The following CACNA2D4 variants were observed in gnomAD, a reference collection of about 807,000 sequenced individuals.
CACNA2D4 encodes the protein voltage-dependent calcium channel subunit alpha-2/delta-4.
Under a neutral mutation model 163.8 loss-of-function variants are expected in CACNA2D4, and 157 were observed. The ratio of observed to expected loss-of-function variants is 0.96; its 90% CI spans 0.84 to 1.09. The LOEUF (loss-of-function observed/expected upper bound fraction) is 1.09. CACNA2D4 is among the 50% of genes least tolerant of loss of function. The pLI, the probability that CACNA2D4 is intolerant of heterozygous loss-of-function variation, is 0.00. For synonymous variants in CACNA2D4, 598 were observed against 586.9 expected, an observed-to-expected ratio of 1.02 and a Z score of -0.27; for missense variants, 1,410 against 1,479.9, an observed-to-expected ratio of 0.95 and a Z score of 0.78.
At chr12:1,800,523 A>T in intron 31 of CACNA2D4, 85 bp from the exon 32 acceptor site, 1 of 1,373,116 alleles carries the variant, frequency 7.3e-7, no homozygotes, top group Non-Finnish European at 1.0e-6. Flanking sequence ...ACCCTCAGAG[A>T]GACCAGAGAG....
At chr12:1,864,426 T>A (rs1333195786) in intron 18 of CACNA2D4, among the ~76,000 whole-genome samples, 1 of 152,270 alleles carries the variant, frequency 6.6e-6, no homozygotes, top group Non-Finnish European at 1.5e-5. Flanking sequence ...TTTCCATAGT[T>A]ACTCTGCCGT....
Position 1,918,246 on chromosome 12 carries a change from C to T in CACNA2D4, c.227+1G>A, listed in dbSNP as rs530684887. On this transcript the variant is annotated splice_donor_variant, in intron 1 of 37. Transcript: ENST00000382722. LOFTEE classifies it high-confidence loss of function. Reference sequence around the variant, plus strand: ...GGGGTGGGGTTGAACGTGATGCTTACGTTTCCAGAGGAATCTTGGCCTGTC... The same window carrying T: ...GGGGTGGGGTTGAACGTGATGCTTATGTTTCCAGAGGAATCTTGGCCTGTC... 28 of 1,599,862 alleles carry T rather than the reference C, an allele frequency of 1.8e-5. No homozygotes were observed. Among genetic ancestry groups the T allele is most frequent in the East Asian group, 6.8e-5 (3 of 44,352 alleles).
At chr12:1,866,376 C>T (rs1053544247) in intron 18 of CACNA2D4, among the ~76,000 whole-genome samples, 1 of 152,134 alleles carries the variant, frequency 6.6e-6, no homozygotes, top group African/African-American at 2.4e-5. Flanking sequence ...ATATTACAAA[C>T]CCCACAATGC....
At chr12:1,809,946 G>A (rs753718855) in intron 29 of CACNA2D4, among the ~76,000 whole-genome samples, 18 of 152,248 alleles carry the variant, frequency 1.2e-4, no homozygotes, top group Non-Finnish European at 5.9e-5. Context: ...GAGGCCCCGA[G>A]TGAGGCTGGG....
At chr12:1,916,979 C>T (rs1263018831) in intron 1 of CACNA2D4, among the ~76,000 whole-genome samples, 1 of 152,210 alleles carries the variant, frequency 6.6e-6, no homozygotes, top group African/African-American at 2.4e-5. Context: ...CGACTTGGCC[C>T]TCAGCCCACT....
At chr12:1,855,591 A>T (rs894318448) in intron 22 of CACNA2D4, among the ~76,000 whole-genome samples, 1 of 152,224 alleles carries the variant, frequency 6.6e-6, no homozygotes, top group Non-Finnish European at 1.5e-5. Context: ...ACAGGCTTCG[A>T]GTCATCTGGC....
In CACNA2D4 at chr12:1,806,068, G is replaced by C. The variant is rs1361322917; in HGVS notation, c.2721+4210C>G. ...AGGGTGCTGTGCTCTGAGAGATCCAGGTCCCTCAGGGAAAGGTGCTGGGAT... is the reference window on the plus strand; with the variant it reads ...AGGGTGCTGTGCTCTGAGAGATCCACGTCCCTCAGGGAAAGGTGCTGGGAT... On this transcript the variant is annotated intron_variant, in intron 29 of 37. Transcript: ENST00000382722. This position sits in a 1 kb window ranked among gnomAD's most constrained non-coding sequence, Gnocchi z 4.1. Among the ~76,000 whole-genome samples, 1 of 152,222 alleles carries C rather than the reference G, an allele frequency of 6.6e-6. No homozygotes were observed. The highest frequency in any genetic ancestry group is 1.5e-5 in the Non-Finnish European group (1 of 68,046).
chr12:1,797,558 A>T (rs764323142), intron 34 of CACNA2D4, 23 bp from the exon 35 acceptor site: 5 of 1,532,150 alleles, frequency 3.3e-6, no homozygotes, highest in Non-Finnish European at 3.5e-6. Flanking sequence ...AAAGGACATC[A>T]CGCCACCGAA....
At chr12:1,856,744 G>A (rs1456399738) in intron 20 of CACNA2D4, among the ~76,000 whole-genome samples, 2 of 152,218 alleles carry the variant, frequency 1.3e-5, no homozygotes, top group Non-Finnish European at 2.9e-5. Context: ...CTAACACAGA[G>A]CCAGCCTGAT....
intron 6 of CACNA2D4, among the ~76,000 whole-genome samples, chr12:1,906,165 T>C (rs1338992149): frequency 6.6e-6 from 1 of 152,130 alleles, no homozygotes; most frequent in East Asian, 1.9e-4. Flanking sequence ...AAATACCATA[T>C]ACAAAAATTA....
intron 35 of CACNA2D4, 82 bp downstream of exon 35, chr12:1,797,336 T>G: frequency 9.7e-7 from 1 of 1,034,318 alleles, no homozygotes; most frequent in Non-Finnish European, 1.4e-6. Context: ...TTCCCGGGGG[T>G]TCCGGGGCCC....
At chr12:1,867,851 C>G (rs1287845526) in intron 18 of CACNA2D4, among the ~76,000 whole-genome samples, 1 of 152,090 alleles carries the variant, frequency 6.6e-6, no homozygotes, top group South Asian at 2.1e-4. Context: ...AAATGGCCAA[C>G]AGATATTTGA....
chr12:1,867,910 C>G (rs1035441498), intron 18 of CACNA2D4, among the ~76,000 whole-genome samples: 3 of 152,200 alleles, frequency 2.0e-5, no homozygotes, highest in Non-Finnish European at 4.4e-5. Context: ...ACCCAAACCA[C>G]AATGAGATGC....
intron 19 of CACNA2D4, among the ~76,000 whole-genome samples, chr12:1,859,364 A>G (rs945185680): frequency 6.6e-6 from 1 of 152,080 alleles, no homozygotes; most frequent in Non-Finnish European, 1.5e-5. Flanking sequence ...CTCAAAAAAA[A>G]CTGGTTTTGG....
In CACNA2D4 at chr12:1,795,386, A is replaced by G. The variant is rs757754694; in HGVS notation, c.3227-5T>C. The G allele has an allele frequency of 6.2e-7, 1 of 1,609,380 alleles. No homozygotes were observed. Among genetic ancestry groups the G allele is most frequent in the Non-Finnish European group, 8.5e-7 (1 of 1,179,456 alleles). On this transcript the variant is annotated splice_region_variant and splice_polypyrimidine_tract_variant and intron_variant, in intron 36 of 37. Transcript: ENST00000382722. Reference sequence around the variant, plus strand: ...CACATTTGACAGAGGCATTATGTGCAGAAGCCACTGTTAAGGTCAATATCT... The same window carrying G: ...CACATTTGACAGAGGCATTATGTGCGGAAGCCACTGTTAAGGTCAATATCT...
At chr12:1,811,563 C>T (rs1863710701) in intron 27 of CACNA2D4, 99 bp downstream of exon 27, 2 of 1,261,296 alleles carry the variant, frequency 1.6e-6, no homozygotes, top group South Asian at 2.6e-5. Flanking sequence ...TCCTGAGAGC[C>T]TCAAGGCAGT....
intron 4 of CACNA2D4, among the ~76,000 whole-genome samples, chr12:1,909,397 T>G (rs1040014349): frequency 7.9e-5 from 12 of 152,214 alleles, no homozygotes; most frequent in African/African-American, 2.9e-4. Context: ...GGTTTCACCG[T>G]GTTAGCCAGG....
rs1863360642 is a variant in CACNA2D4, at chr12:1,802,141, C to G, written c.2722-497G>C. Among the ~76,000 whole-genome samples, 1 of 151,360 alleles carries G rather than the reference C, an allele frequency of 6.6e-6. No homozygotes were observed. Among genetic ancestry groups the G allele is most frequent in the African/African-American group, 2.4e-5 (1 of 41,216 alleles). On this transcript the variant is annotated intron_variant, in intron 29 of 37. Coordinates refer to ENST00000382722, the MANE Select transcript of CACNA2D4 (RefSeq NM_172364.5). The surrounding 1 kb of genome is among the most constrained non-coding windows in gnomAD (Gnocchi z 4.7). Reference sequence around the variant, plus strand: ...CATGCACGCTGGTGTCCTCATCTTCCCAGTGTGAGAGGGCTGCTGTGGCTT... The same window carrying G: ...CATGCACGCTGGTGTCCTCATCTTCGCAGTGTGAGAGGGCTGCTGTGGCTT...
At chr12:1,914,600 G>T (rs1358374443) in intron 2 of CACNA2D4, among the ~76,000 whole-genome samples, 2 of 152,178 alleles carry the variant, frequency 1.3e-5, no homozygotes, top group African/African-American at 4.8e-5. Context: ...CAGTACATCT[G>T]CAGGTCTAAT....
Sources: gnomAD v4.1 joint callset for allele counts (sites outside exome capture counted in the v4.1 genomes callset) on GRCh38, gnomAD v4.1.1 for gene constraint, Gnocchi (gnomAD v3.1) non-coding constraint, MANE v1.5 for transcripts, NCBI Gene and HGNC (gene_info 2026-07-23, HGNC 2026-07-21) for gene names.